ZNF385D: variants seen among roughly 807,000 people sequenced by gnomAD.
ZNF385D encodes zinc finger protein 385D.
Under a neutral mutation model 35.8 loss-of-function variants are expected in ZNF385D, and 15 were observed. That is an observed-to-expected ratio of 0.42 (90% CI 0.28 to 0.64). ZNF385D has a LOEUF of 0.64. Ranked by LOEUF, ZNF385D falls within the 30% of genes least tolerant of loss-of-function variation. The probability of loss-of-function intolerance (pLI) is 0.23; values close to 1 mark genes in which losing one functional copy is unlikely to be tolerated. For missense variants in ZNF385D, 474 were observed against 494.6 expected, an observed-to-expected ratio of 0.96 and a Z score of 0.39; for synonymous variants, 212 against 186.8, an observed-to-expected ratio of 1.13 and a Z score of -1.10.
At chr3:21,961,416 G>T (rs967042783) in intron 3 of ZNF385D, 1 of 151,848 alleles carries the variant, frequency 6.6e-6, no homozygotes, top group African/African-American at 2.4e-5. Flanking sequence ...TTGTCAACAG[G>T]TATTTTGCCA....
At chr3:22,111,047 A>C (rs1278312862) in intron 3 of ZNF385D, among the ~76,000 whole-genome samples, 1 of 151,994 alleles carries the variant, frequency 6.6e-6, no homozygotes, top group African/African-American at 2.4e-5. Flanking sequence ...AGGCAAATTA[A>C]AATGCTATTA....
At chr3:21,700,334 T>C (rs544165305) in intron 1 of ZNF385D, among the ~76,000 whole-genome samples, 2 of 152,194 alleles carry the variant, frequency 1.3e-5, no homozygotes, top group East Asian at 3.9e-4. Context: ...TAGTCAGAAA[T>C]AAATGAAATA....
chr3:21,923,615 T>A (rs1700583535), intron 3 of ZNF385D, among the ~76,000 whole-genome samples: 1 of 152,196 alleles, frequency 6.6e-6, no homozygotes, highest in Non-Finnish European at 1.5e-5. Flanking sequence ...CCTAGGTGTT[T>A]ATCAGTGGTG....
At chr3:22,229,936 C>T (rs1698788653) in intron 2 of ZNF385D, among the ~76,000 whole-genome samples, 1 of 152,176 alleles carries the variant, frequency 6.6e-6, no homozygotes. Context: ...ATTTGTAGCG[C>T]ATAATCCACT....
intron 3 of ZNF385D, among the ~76,000 whole-genome samples, chr3:21,767,680 G>A (rs1026735081): frequency 1.3e-5 from 2 of 150,816 alleles, no homozygotes; most frequent in Non-Finnish European, 2.9e-5. Context: ...AGTTAAGGTG[G>A]GGGGTGGGAG....
chr3:21,914,901 T>TA lies in ZNF385D; in HGVS notation c.326-249874dup, dbSNP rs1264702439. On this transcript the variant is annotated intron_variant, in intron 3 of 5. Coordinates refer to the ZNF385D transcript ENST00000494108. ...GTTTAGCCAAGACAGATTTGGACAC[T>TA]AAAAAAATGGCAAAAAAATTCAGTA... Among the ~76,000 whole-genome samples, 4 of 149,002 alleles carry TA rather than the reference T, an allele frequency of 2.7e-5. No homozygotes were observed. In the South Asian group the frequency reaches 6.4e-4, roughly 24 times the overall value.
intron 3 of ZNF385D, among the ~76,000 whole-genome samples, chr3:22,023,371 ATAT>A (rs1466602203): frequency 3.9e-5 from 6 of 152,264 alleles, no homozygotes; most frequent in African/African-American, 4.8e-5. Context: ...CATGCTCATA[ATAT>A]TATTATCATG....
At chr3:22,150,088 C>T (rs867841235) in intron 3 of ZNF385D, among the ~76,000 whole-genome samples, 1 of 152,150 alleles carries the variant, frequency 6.6e-6, no homozygotes. Context: ...TGCATTACTG[C>T]ATTTGCTTTT....
At chr3:21,639,799 T>C (rs2065549026) in intron 2 of ZNF385D, among the ~76,000 whole-genome samples, 1 of 151,992 alleles carries the variant, frequency 6.6e-6, no homozygotes, top group Non-Finnish European at 1.5e-5. Context: ...AGTCTAATTA[T>C]ATATAATAGT....
Position 21,418,759 on chromosome 3 carries a change from T to G in ZNF385D, c.*2455A>C, listed in dbSNP as rs1468715802. ...TGAGACTGCTTTAATTAACACTAAG[T>G]TATCTAACAGAAAGTGAGGCTGTAT... is the stretch of plus-strand genomic sequence containing the variant. On this transcript the variant is annotated 3_prime_UTR_variant, in exon 8 of 8. Transcript: ENST00000281523. The G allele has an allele frequency of 2.0e-5, 3 of 152,152 alleles. No individual in the cohort carries two copies. Among genetic ancestry groups the G allele is most frequent in the African/African-American group, 7.2e-5 (3 of 41,422 alleles). The allele number at this position is 152,152 out of a possible 1,614,324, so 9.4% of individuals were successfully genotyped here. A position where few individuals can be genotyped will look rare whatever the true frequency, so the allele number is the denominator to read the frequency against.
At chr3:21,477,849 A>G (rs1298012837) in intron 4 of ZNF385D, among the ~76,000 whole-genome samples, 1 of 152,202 alleles carries the variant, frequency 6.6e-6, no homozygotes, top group Non-Finnish European at 1.5e-5. Context: ...ACCAATAAAC[A>G]TATATGGATA....
chr3:21,438,459 C>A (rs1481451425), intron 4 of ZNF385D, among the ~76,000 whole-genome samples: 1 of 150,974 alleles, frequency 6.6e-6, no homozygotes, highest in East Asian at 2.0e-4. Flanking sequence ...TAGTTCATTA[C>A]TACCAAGAGT....
intron 3 of ZNF385D, among the ~76,000 whole-genome samples, chr3:22,157,172 G>A (rs1705641495): frequency 6.6e-6 from 1 of 152,058 alleles, no homozygotes; most frequent in Admixed American, 6.6e-5. Context: ...CCTCTTTCCA[G>A]TTACATGACC....
chr3:22,183,056 T>G (rs1018162034), intron 2 of ZNF385D, among the ~76,000 whole-genome samples: 2 of 152,104 alleles, frequency 1.3e-5, no homozygotes, highest in East Asian at 3.9e-4. Context: ...AGGAAGAGCC[T>G]TAATAAAAGT....
At chr3:22,147,926 GA>G (rs527674987) in intron 3 of ZNF385D, among the ~76,000 whole-genome samples, 2 of 152,194 alleles carry the variant, frequency 1.3e-5, no homozygotes, top group Admixed American at 1.3e-4. Flanking sequence ...CTCCAATACA[GA>G]AAAAAAGTCG....
chr3:22,254,180 A>C (rs1344125460), intron 2 of ZNF385D, among the ~76,000 whole-genome samples: 1 of 151,930 alleles, frequency 6.6e-6, no homozygotes, highest in Non-Finnish European at 1.5e-5. Flanking sequence ...TTAGAAAGAA[A>C]TGGAGTAAGA....
chr3:21,631,978 G>A (rs62237383), intron 2 of ZNF385D, among the ~76,000 whole-genome samples: 18,239 of 152,060 alleles, frequency 0.12, 1,209 homozygotes, highest in Admixed American at 0.14. Context: ...TTAAATAAGT[G>A]TATTGGTATG....
chr3:21,585,394 T>G (rs2063781095), intron 2 of ZNF385D, among the ~76,000 whole-genome samples: 1 of 152,160 alleles, frequency 6.6e-6, no homozygotes, highest in Non-Finnish European at 1.5e-5. Flanking sequence ...TAAAACTACA[T>G]TTTTAGCTTT....
At chr3:21,457,441 C>A (rs1223253765) in intron 4 of ZNF385D, among the ~76,000 whole-genome samples, 1 of 152,032 alleles carries the variant, frequency 6.6e-6, no homozygotes, top group Non-Finnish European at 1.5e-5. Context: ...CTGCAATCTC[C>A]ACCTCCCGGG....
Sources: gnomAD v4.1 joint callset for allele counts (sites outside exome capture counted in the v4.1 genomes callset) on GRCh38, gnomAD v4.1.1 for gene constraint, MANE v1.5 for transcripts, NCBI Gene and HGNC (gene_info 2026-07-23, HGNC 2026-07-21) for gene names.